Variants in DLG2 observed in about 807,000 individuals in gnomAD.
DLG2 encodes disks large homolog 2.
In DLG2, 45 loss-of-function variants were observed where a neutral mutation model predicts 132.5. The ratio of observed to expected loss-of-function variants is 0.34; its 90% CI spans 0.27 to 0.44. The LOEUF is 0.44. Among genes scored for constraint, DLG2 ranks in the 20% least tolerant of loss-of-function variants. The probability of loss-of-function intolerance (pLI) is 1.00; values close to 1 mark genes in which losing one functional copy is unlikely to be tolerated. For synonymous variants in DLG2, 424 were observed against 419.6 expected (o/e 1.01, Z -0.13); for missense variants, 1,045 against 1,196.9 (o/e 0.87, Z 1.87).
chr11:84,832,020 A>C (rs867987708), intron 6 of DLG2, among the ~76,000 whole-genome samples: 7 of 151,674 alleles, frequency 4.6e-5, no homozygotes, highest in African/African-American at 1.4e-4. Context: ...ATTGTGGCTA[A>C]GCAGTATCTG....
At chr11:84,234,308 A>T (rs2097131743) in intron 8 of DLG2, among the ~76,000 whole-genome samples, 1 of 152,152 alleles carries the variant, frequency 6.6e-6, no homozygotes, top group Non-Finnish European at 1.5e-5. Context: ...GCTTTTTAAT[A>T]AACTTTCACT....
intron 15 of DLG2, among the ~76,000 whole-genome samples, chr11:83,884,047 T>A (rs2067067702): frequency 1.3e-5 from 2 of 152,146 alleles, no homozygotes; most frequent in South Asian, 4.1e-4. Flanking sequence ...CATTTCCAAC[T>A]GAAGTACCGG....
At chr11:84,972,369 T>C (rs2054225559) in intron 6 of DLG2, among the ~76,000 whole-genome samples, 1 of 152,202 alleles carries the variant, frequency 6.6e-6, no homozygotes, top group South Asian at 2.1e-4. Context: ...AAGTTAGAGA[T>C]CAAGCAGTTG....
chr11:83,927,192 T>C (rs2079131646), intron 15 of DLG2, among the ~76,000 whole-genome samples: 1 of 152,154 alleles, frequency 6.6e-6, no homozygotes, highest in Admixed American at 6.6e-5. Context: ...CATCCAATAA[T>C]CCTGAGCTCC....
intron 15 of DLG2, among the ~76,000 whole-genome samples, chr11:83,887,308 A>G (rs1226248577): frequency 6.6e-6 from 1 of 152,066 alleles, no homozygotes; most frequent in African/African-American, 2.4e-5. Flanking sequence ...CCATCAGAGA[A>G]TACTACAAAC....
At chr11:85,501,989 T>C (rs192249186) in intron 3 of DLG2, among the ~76,000 whole-genome samples, 3 of 152,280 alleles carry the variant, frequency 2.0e-5, no homozygotes, top group African/African-American at 7.2e-5. Context: ...TGTGGCATTA[T>C]TCACAATAGC....
At chr11:84,509,791 A>G (rs1050091656) in intron 7 of DLG2, among the ~76,000 whole-genome samples, 37 of 152,184 alleles carry the variant, frequency 2.4e-4, no homozygotes, top group Non-Finnish European at 1.3e-4. Context: ...AATACAAAAT[A>G]CAAACAAAAT....
At chr11:84,192,569 A>T (rs952657210) in intron 8 of DLG2, among the ~76,000 whole-genome samples, 1 of 152,038 alleles carries the variant, frequency 6.6e-6, no homozygotes, top group African/African-American at 2.4e-5. Flanking sequence ...TCTCTAATAA[A>T]AATACAAAAA....
intron 8 of DLG2, among the ~76,000 whole-genome samples, chr11:84,237,936 G>GGA (rs915792672): frequency 6.6e-6 from 1 of 150,988 alleles, no homozygotes; most frequent in African/African-American, 2.4e-5. Context: ...CAGCTACTCA[G>GGA]GAGGCTGAGG....
intron 3 of DLG2, among the ~76,000 whole-genome samples, chr11:85,400,195 T>C (rs1249035538): frequency 6.6e-6 from 1 of 152,078 alleles, no homozygotes; most frequent in African/African-American, 2.4e-5. Context: ...TCACCATCAC[T>C]GGCCATCAGA....
At position 83,459,756 on chromosome 11, in the gene DLG2, T is replaced by C; in HGVS notation, c.*62A>G. On this transcript the variant is annotated 3_prime_UTR_variant, in exon 28 of 28. Coordinates refer to ENST00000376104, the MANE Select transcript of DLG2 (RefSeq NM_001142699.3). Reference sequence around the variant, plus strand: ...AAAACATAAAAGCCTCCAAGTAGTATGTTATATATATTTTGTTCTTCTAAA... The same window carrying C: ...AAAACATAAAAGCCTCCAAGTAGTACGTTATATATATTTTGTTCTTCTAAA... 1.2e-6 allele frequency: 1 copy of C among 865,412 alleles called. No individual in the cohort carries two copies. Among genetic ancestry groups the C allele is most frequent in the Non-Finnish European group, 1.9e-6 (1 of 513,550 alleles). The allele number at this position is 865,412 out of a possible 1,614,324, so 53.6% of individuals were successfully genotyped here. A position where few individuals can be genotyped will look rare whatever the true frequency, so the allele number is the denominator to read the frequency against.
intron 6 of DLG2, among the ~76,000 whole-genome samples, chr11:84,763,771 A>T (rs2067996722): frequency 6.6e-6 from 1 of 152,148 alleles, no homozygotes; most frequent in Non-Finnish European, 1.5e-5. Context: ...AAATGCCATT[A>T]ATTTTATAGT....
intron 6 of DLG2, among the ~76,000 whole-genome samples, chr11:84,932,468 G>A (rs2048210093): frequency 6.6e-6 from 1 of 152,024 alleles, no homozygotes; most frequent in Non-Finnish European, 1.5e-5. Flanking sequence ...GTACCATGGT[G>A]GTTTTTTGTA....
At chr11:83,971,017 T>G (rs1016525870) in intron 12 of DLG2, among the ~76,000 whole-genome samples, 9 of 152,310 alleles carry the variant, frequency 5.9e-5, no homozygotes, top group Admixed American at 4.6e-4. Context: ...TCCTATGAAC[T>G]CTCAAGATAA....
intron 6 of DLG2, among the ~76,000 whole-genome samples, chr11:84,711,330 A>AAGAG (rs760750088): frequency 0.017 from 843 of 48,448 alleles, 114 homozygotes; most frequent in East Asian, 0.082. Context: ...CAGAACCAGT[A>AAGAG]AGAGAGAGAG....
chr11:83,889,050 G>C (rs2068846286), intron 15 of DLG2, among the ~76,000 whole-genome samples: 1 of 152,072 alleles, frequency 6.6e-6, no homozygotes, highest in South Asian at 2.1e-4. Flanking sequence ...GCATGGGCAA[G>C]GACTTCATGT....
chr11:85,029,467 A>G (rs1177125786), intron 6 of DLG2, among the ~76,000 whole-genome samples: 2 of 152,234 alleles, frequency 1.3e-5, no homozygotes, highest in Non-Finnish European at 2.9e-5. Context: ...ACAGTTGTCT[A>G]TTAAAATCAT....
rs536162896 is a variant in DLG2 at position 85,483,814 on chromosome 11, G to T, written c.40+114843C>A. ...CAAAAATTAGCCAGGCATGGTGGAG[G>T]GCACCTGTAATCCCAGCTACTCAGG... On this transcript the variant is annotated intron_variant, in intron 3 of 27. Coordinates refer to ENST00000376104, the MANE Select transcript of DLG2 (RefSeq NM_001142699.3). 4.6e-4 allele frequency among the ~76,000 whole-genome samples: 70 copies of T among 151,224 alleles called. 1 individual carries two copies. The highest frequency in any genetic ancestry group is 1.6e-3 in the African/African-American group (64 of 41,140).
At chr11:83,943,123 G>C (rs902011708) in intron 14 of DLG2, among the ~76,000 whole-genome samples, 4 of 152,152 alleles carry the variant, frequency 2.6e-5, no homozygotes, top group African/African-American at 9.7e-5. Flanking sequence ...GGAACTGTAA[G>C]TCCATTAAAC....
Sources: gnomAD v4.1 joint callset for allele counts (sites outside exome capture counted in the v4.1 genomes callset) on GRCh38, gnomAD v4.1.1 for gene constraint, MANE v1.5 for transcripts, NCBI Gene and HGNC (gene_info 2026-07-23, HGNC 2026-07-21) for gene names.